The following SAMD3 variants were observed in gnomAD, a reference collection of about 807,000 sequenced individuals.
SAMD3 encodes the protein sterile alpha motif domain containing 3, also known as sterile alpha motif domain-containing protein 3.
SAMD3 carries 63 observed loss-of-function variants against 58.5 expected under a neutral mutation model. The observed-to-expected ratio is 1.08, with a 90% CI of 0.88 to 1.33. The LOEUF (loss-of-function observed/expected upper bound fraction) is 1.33, where lower values mean the gene tolerates loss of function less well. SAMD3 is among the 40% of genes most tolerant of loss of function. The pLI is 0.00. For synonymous variants in SAMD3, 220 were observed against 210.3 expected, an observed-to-expected ratio of 1.05 and a Z score of -0.40; for missense variants, 604 against 608.4, an observed-to-expected ratio of 0.99 and a Z score of 0.08.
At chr6:130,250,155 G>A (rs116461586) in intron 2 of SAMD3, among the ~76,000 whole-genome samples, 51 of 152,292 alleles carry the variant, frequency 3.3e-4, no homozygotes, top group African/African-American at 1.2e-3. Flanking sequence ...GACAGGTTTG[G>A]CTGAGATTAG....
intron 2 of SAMD3, among the ~76,000 whole-genome samples, chr6:130,238,471 G>C (rs1773243159): frequency 1.3e-5 from 2 of 151,886 alleles, no homozygotes; most frequent in South Asian, 4.1e-4. Flanking sequence ...AATAGCAAGA[G>C]ATCATGTTTA....
At chr6:130,262,175 T>C (rs577870124) in intron 2 of SAMD3, among the ~76,000 whole-genome samples, 3 of 152,248 alleles carry the variant, frequency 2.0e-5, no homozygotes, top group Admixed American at 2.0e-4. Context: ...ACCACTTTGT[T>C]GTCAGTGTAA....
intron 8 of SAMD3, among the ~76,000 whole-genome samples, chr6:130,156,786 C>T (rs1192933030): frequency 1.3e-5 from 2 of 152,038 alleles, no homozygotes; most frequent in African/African-American, 4.8e-5. Flanking sequence ...GCCAGGGCAA[C>T]ATAGCAAGGC....
At chr6:130,344,253 T>C (rs1486831533) in intron 1 of SAMD3, among the ~76,000 whole-genome samples, 1 of 152,256 alleles carries the variant, frequency 6.6e-6, no homozygotes, top group Non-Finnish European at 1.5e-5. Context: ...TTTTCCTACA[T>C]GTATGTCTCT....
chr6:130,305,185 C>T (rs1263423219), intron 2 of SAMD3, among the ~76,000 whole-genome samples: 1 of 152,050 alleles, frequency 6.6e-6, no homozygotes, highest in Non-Finnish European at 1.5e-5. Flanking sequence ...ATCCGCCCAC[C>T]TCAGCCTCCC....
At chr6:130,254,456 A>G (rs1337906374) in intron 2 of SAMD3, among the ~76,000 whole-genome samples, 1 of 151,898 alleles carries the variant, frequency 6.6e-6, no homozygotes, top group Admixed American at 6.6e-5. Context: ...TCAGCCTCCT[A>G]AAGTGCTGGT....
rs182292912 is a variant in SAMD3 at position 130,331,921 on chromosome 6, T to C, written c.-303-18828A>G. Among the ~76,000 whole-genome samples, 43 of 152,358 alleles carry C rather than the reference T, an allele frequency of 2.8e-4. No homozygotes were observed. In the East Asian group the frequency reaches 7.3e-3, roughly 26 times the overall value. On this transcript the variant is annotated intron_variant, in intron 1 of 13. Coordinates refer to the SAMD3 transcript ENST00000368134. ...CTGGACATCGAGGTGAAGTAGGCTC[T>C]GCAATCATTAGGGGTTAATCATGCC...
At chr6:130,220,531 C>T (rs1359325715) in intron 1 of SAMD3, among the ~76,000 whole-genome samples, 1 of 152,182 alleles carries the variant, frequency 6.6e-6, no homozygotes, top group African/African-American at 2.4e-5. Context: ...GAGATGGTAA[C>T]TGTGAACTGT....
chr6:130,152,294 A>G lies in SAMD3; in HGVS notation c.1023+2531T>C, dbSNP rs1040678441. ...CTTGCTTTTATTTTAGGAGGCACAC[A>G]AGAGTTTTATAAATTGGAAATCCCA... On this transcript the variant is annotated intron_variant, in intron 9 of 11. Coordinates refer to ENST00000439090, the MANE Select transcript of SAMD3 (RefSeq NM_001017373.4). Among the ~76,000 whole-genome samples, 5 of 152,316 alleles carry G rather than the reference A, an allele frequency of 3.3e-5. No homozygotes were observed. The East Asian group carries it at 5.8e-4, about 18-fold the overall frequency.
At chr6:130,323,920 C>T (rs1776671372) in intron 1 of SAMD3, among the ~76,000 whole-genome samples, 1 of 151,450 alleles carries the variant, frequency 6.6e-6, no homozygotes, top group Non-Finnish European at 1.5e-5. Flanking sequence ...GGCTATGCAG[C>T]ATATGCTCAA....
intron 2 of SAMD3, among the ~76,000 whole-genome samples, chr6:130,239,828 A>C (rs1773293816): frequency 1.3e-5 from 2 of 152,312 alleles, no homozygotes; most frequent in East Asian, 3.9e-4. Context: ...CCTGGACCTA[A>C]GAAAAATGTG....
chr6:130,292,908 A>G (rs1316270625), intron 2 of SAMD3, among the ~76,000 whole-genome samples: 151 of 152,292 alleles, frequency 9.9e-4, no homozygotes, highest in Non-Finnish European at 5.9e-5. Flanking sequence ...GTGAACCACC[A>G]TGCCCGGCCA....
intron 1 of SAMD3, among the ~76,000 whole-genome samples, chr6:130,351,302 G>A (rs1039825510): frequency 1.3e-5 from 2 of 151,996 alleles, no homozygotes; most frequent in African/African-American, 4.8e-5. Flanking sequence ...CTACAGAATG[G>A]GAGAAAATTT....
At chr6:130,313,081 T>G (rs1311160228) in exon 2 of SAMD3, 1 of 152,148 alleles carries the variant, frequency 6.6e-6, no homozygotes, top group East Asian at 1.9e-4. Context: ...TGAGTTAGAA[T>G]CTCTTGGAGA....
chr6:130,201,641 T>C (rs952184349), intron 5 of SAMD3, among the ~76,000 whole-genome samples: 3 of 152,188 alleles, frequency 2.0e-5, no homozygotes, highest in Admixed American at 1.3e-4. Flanking sequence ...TCTAACAGAA[T>C]CTCACCATTT....
intron 8 of SAMD3, among the ~76,000 whole-genome samples, chr6:130,165,157 T>C (rs1041829089): frequency 6.6e-6 from 1 of 152,168 alleles, no homozygotes; most frequent in African/African-American, 2.4e-5. Flanking sequence ...TTGTAAGAAC[T>C]TGGAATCAGA....
At chr6:130,220,190 T>A (rs539120351) in intron 1 of SAMD3, among the ~76,000 whole-genome samples, 1 of 152,178 alleles carries the variant, frequency 6.6e-6, no homozygotes, top group East Asian at 1.9e-4. Flanking sequence ...TTAGTGGAAA[T>A]GGGGTTTCAC....
chr6:130,329,890 G>C (rs943930499), intron 1 of SAMD3, among the ~76,000 whole-genome samples: 2 of 111,708 alleles, frequency 1.8e-5, no homozygotes, highest in African/African-American at 6.8e-5. Flanking sequence ...ACAGGGAGGG[G>C]AACATCACAC....
chr6:130,260,533 A>G (rs6932805), intron 2 of SAMD3, among the ~76,000 whole-genome samples: 60,466 of 152,002 alleles, frequency 0.4, 12,784 homozygotes, highest in African/African-American at 0.52. Flanking sequence ...GAGTCTTGCC[A>G]ATGCTCCCGG....
Sources: allele counts gnomAD v4.1 joint callset (sites outside exome capture counted in the v4.1 genomes callset), GRCh38; gene constraint gnomAD v4.1.1; transcripts MANE v1.5; gene names NCBI Gene and HGNC (gene_info 2026-07-23, HGNC 2026-07-21).